TCF4: variants seen among roughly 807,000 people sequenced by gnomAD.
TCF4 encodes the protein SL3-3 enhancer factor 2.
A neutral mutation model predicts 82.1 loss-of-function variants in TCF4; 3 were observed. The ratio of observed to expected loss-of-function variants is 0.04; its 90% CI spans 0.02 to 0.09. The LOEUF is 0.09. Among genes scored for constraint, TCF4 ranks in the 10% least tolerant of loss-of-function variants. The pLI is 1.00. For missense variants in TCF4, 518 were observed against 852.7 expected (o/e 0.61, Z 4.89); for synonymous variants, 276 against 309.6 (o/e 0.89, Z 1.14).
At chr18:55,253,166 C>A (rs756183495) in intron 15 of TCF4, among the ~76,000 whole-genome samples, 5 of 152,166 alleles carry the variant, frequency 3.3e-5, no homozygotes, top group Admixed American at 6.5e-5. Flanking sequence ...GATTTCAATA[C>A]TACACCGTTC....
At chr18:55,495,223 G>C (rs919130366) in intron 3 of TCF4, among the ~76,000 whole-genome samples, 1 of 150,956 alleles carries the variant, frequency 6.6e-6, no homozygotes, top group African/African-American at 2.4e-5. Flanking sequence ...ATTAACATGA[G>C]AGAATCAAAA....
chr18:55,559,148 A>G (rs1435001556), intron 3 of TCF4, among the ~76,000 whole-genome samples: 1 of 148,986 alleles, frequency 6.7e-6, no homozygotes, highest in Non-Finnish European at 1.5e-5. Context: ...CGTTCCCCAA[A>G]GCAAAAAAAA....
rs535304941 is a variant in TCF4, at chr18:55,457,833, C to G, written c.304+3186G>C. ...TTTAAAAATCTGTAAAATGCAAAAC[C>G]ATTCATGTGAAATCAAGAAGTTCAG... On this transcript the variant is annotated intron_variant, in intron 5 of 19. Transcript: ENST00000354452. Among the ~76,000 whole-genome samples, 108 of 152,242 alleles carry G rather than the reference C, an allele frequency of 7.1e-4. 1 individual carries two copies. Among genetic ancestry groups the G allele is most frequent in the African/African-American group, 2.3e-3 (95 of 41,554 alleles).
intron 5 of TCF4, among the ~76,000 whole-genome samples, chr18:55,431,391 C>G (rs1031819240): frequency 6.6e-6 from 1 of 152,098 alleles, no homozygotes; most frequent in Non-Finnish European, 1.5e-5. Flanking sequence ...GCAATTCTCT[C>G]GCCTCAGCCT....
At chr18:55,232,990 G>A (rs1489273583) in intron 16 of TCF4, among the ~76,000 whole-genome samples, 1 of 152,126 alleles carries the variant, frequency 6.6e-6, no homozygotes, top group Non-Finnish European at 1.5e-5. Context: ...AAGAACCCAA[G>A]TAAATATCAG....
At chr18:55,611,827 G>A (rs1052308595) in intron 2 of TCF4, among the ~76,000 whole-genome samples, 1 of 152,058 alleles carries the variant, frequency 6.6e-6, no homozygotes, top group African/African-American at 2.4e-5. Context: ...GGAGTGCAGT[G>A]GCACAATCTT....
chr18:55,416,979 A>T (rs9807592), intron 5 of TCF4, among the ~76,000 whole-genome samples: 2,099 of 152,312 alleles, frequency 0.014, 68 homozygotes, highest in African/African-American at 0.047. Context: ...CGAGTGCTCA[A>T]AGCAAAAATC....
intron 1 of TCF4, among the ~76,000 whole-genome samples, chr18:55,587,512 CAGAGA>C (rs1167870183): frequency 6.6e-6 from 1 of 151,382 alleles, no homozygotes; most frequent in Non-Finnish European, 1.5e-5. Flanking sequence ...GAATGGATCA[CAGAGA>C]AAAGAGAAAC....
At chr18:55,564,811 T>A (rs1344521278) in intron 3 of TCF4, among the ~76,000 whole-genome samples, 1 of 152,216 alleles carries the variant, frequency 6.6e-6, no homozygotes, top group Non-Finnish European at 1.5e-5. Flanking sequence ...GGATGCCTAC[T>A]ATGTGTTAGA....
chr18:55,257,344 G>A lies in TCF4; in HGVS notation c.1117C>T (p.Pro373Ser). 6.2e-7 allele frequency: 1 copy of A among 1,613,702 alleles called. No individual in the cohort carries two copies. Among genetic ancestry groups the A allele is most frequent in the Non-Finnish European group, 8.5e-7 (1 of 1,179,732 alleles). The change falls in exon 14 of 20, where the codon CCT (proline) becomes TCT (serine). Residue 373 changes from proline to serine, a missense_variant. By Grantham distance (74) the Pro-to-Ser change is moderately conservative. Coordinates refer to ENST00000354452, the MANE Select transcript of TCF4 (RefSeq NM_001083962.2). The stretch of plus-strand genomic sequence containing the variant: ...GAGTGTAAGGGTCCTTCATAATTAG[G>A]AGACGATGAGGCCTGTCCTCCATTT... ...SRNGGQASSS[P>S]NYEGPLHSLQ...
intron 3 of TCF4, among the ~76,000 whole-genome samples, chr18:55,555,006 C>A (rs1253891319): frequency 1.3e-5 from 2 of 152,082 alleles, no homozygotes; most frequent in Admixed American, 1.3e-4. Context: ...ATCTTAACTG[C>A]AGGTAATTTT....
At chr18:55,237,467 CTTTTTT>C (rs538071929) in intron 15 of TCF4, among the ~76,000 whole-genome samples, 1 of 122,672 alleles carries the variant, frequency 8.2e-6, no homozygotes, top group Non-Finnish European at 1.7e-5. Context: ...GTTGTTCTGA[CTTTTTT>C]TTTTTTTTTT....
chr18:55,294,215 G>A (rs528100875), intron 8 of TCF4, among the ~76,000 whole-genome samples: 44 of 150,926 alleles, frequency 2.9e-4, no homozygotes, highest in African/African-American at 3.6e-4. Flanking sequence ...AGCCGTGATC[G>A]CGCCACTGCA....
rs1451228435 is a variant in TCF4 at position 55,529,177 on chromosome 18, C to CA, written c.145+56102dup. 4.0e-5 allele frequency among the ~76,000 whole-genome samples: 6 copies of CA among 151,884 alleles called. No individual in the cohort carries two copies. The East Asian group carries it at 1.2e-3, about 29-fold the overall frequency. ...CGGGTGGTAACAGCCAGACTCGTCT[C>CA]AAAAAACAAAAACAAAACAAAACAA... On this transcript the variant is annotated intron_variant, in intron 3 of 19. Coordinates refer to ENST00000354452, the MANE Select transcript of TCF4 (RefSeq NM_001083962.2).
intron 3 of TCF4, among the ~76,000 whole-genome samples, chr18:55,581,233 CCAA>C (rs1309315306): frequency 6.6e-6 from 1 of 151,980 alleles, no homozygotes; most frequent in African/African-American, 2.4e-5. Context: ...AAGGTTATTT[CCAA>C]TAAAGGATTT....
chr18:55,554,641 G>A (rs1347026843), intron 3 of TCF4, among the ~76,000 whole-genome samples: 1 of 152,142 alleles, frequency 6.6e-6, no homozygotes, highest in Non-Finnish European at 1.5e-5. Context: ...AGAAAGCACA[G>A]ATATTATCAC....
chr18:55,295,276 A>G (rs541926230), intron 8 of TCF4, among the ~76,000 whole-genome samples: 1 of 152,288 alleles, frequency 6.6e-6, no homozygotes, highest in South Asian at 2.1e-4. Flanking sequence ...CAGGTGTGTC[A>G]TTCCTTACCT....
Position 55,232,469 on chromosome 18 carries a change from T to A in TCF4, c.1649+40A>T, listed in dbSNP as rs781400332. ...TTCTGTTCACTTCATCAAAGTCCAA[T>A]AAAGGAATTAAATGAAGCGACAGTA... On this transcript the variant is annotated intron_variant, in intron 17 of 19. Coordinates refer to ENST00000354452, the MANE Select transcript of TCF4 (RefSeq NM_001083962.2). 21 of 1,608,846 alleles carry A rather than the reference T, an allele frequency of 1.3e-5. No individual in the cohort carries two copies. In the South Asian group the frequency reaches 1.8e-4, roughly 13 times the overall value.
intron 8 of TCF4, among the ~76,000 whole-genome samples, chr18:55,299,057 A>G (rs1180470383): frequency 6.6e-6 from 1 of 152,198 alleles, no homozygotes; most frequent in East Asian, 1.9e-4. Context: ...GAAGTATGTC[A>G]AGCAGTGTGA....
Sources: gnomAD v4.1 joint callset for allele counts (sites outside exome capture counted in the v4.1 genomes callset) on GRCh38, gnomAD v4.1.1 for gene constraint, MANE v1.5 for transcripts, NCBI Gene and HGNC (gene_info 2026-07-23, HGNC 2026-07-21) for gene names.